Variants in GRM7 observed in about 807,000 individuals in gnomAD.
GRM7 encodes glutamate metabotropic receptor 7, also known as metabotropic glutamate receptor 7.
A neutral mutation model predicts 84.5 loss-of-function variants in GRM7; 35 were observed. That is an observed-to-expected ratio of 0.41 (90% CI 0.32 to 0.55). GRM7 has a LOEUF of 0.55. GRM7 is among the 20% of genes least tolerant of loss of function. GRM7 has a pLI of 0.19. For synonymous variants in GRM7, 487 were observed against 455.1 expected, an observed-to-expected ratio of 1.07 and a Z score of -0.89; for missense variants, 1,003 against 1,194.6, an observed-to-expected ratio of 0.84 and a Z score of 2.36.
chr3:7,086,222 C>T (rs755352644), intron 1 of GRM7, among the ~76,000 whole-genome samples: 3 of 151,944 alleles, frequency 2.0e-5, no homozygotes, highest in Admixed American at 6.6e-5. Flanking sequence ...AAGTTGCTTG[C>T]GTTTTGAATT....
chr3:7,729,956 C>T (rs1302087107), intron 9 of GRM7, among the ~76,000 whole-genome samples: 2 of 134,888 alleles, frequency 1.5e-5, no homozygotes, highest in Admixed American at 8.7e-5. Context: ...CTCACTGAAA[C>T]CTCCACCTCC....
chr3:6,894,406 A>G (rs1442959270), intron 1 of GRM7, among the ~76,000 whole-genome samples: 2 of 152,166 alleles, frequency 1.3e-5, no homozygotes, highest in East Asian at 1.9e-4. Flanking sequence ...CTAATGAAAC[A>G]TGATTCTTTA....
chr3:7,527,484 G>A (rs538613009), intron 7 of GRM7, among the ~76,000 whole-genome samples: 2 of 152,018 alleles, frequency 1.3e-5, no homozygotes, highest in African/African-American at 4.8e-5. Context: ...GAAATGATTT[G>A]CTTTCCTCTT....
chr3:7,492,597 A>G (rs1048111834), intron 7 of GRM7, among the ~76,000 whole-genome samples: 2 of 152,138 alleles, frequency 1.3e-5, no homozygotes, highest in Non-Finnish European at 2.9e-5. Flanking sequence ...TGTCTTTTCT[A>G]TATGAGTTTT....
chr3:7,661,501 A>T (rs901821701), intron 8 of GRM7, among the ~76,000 whole-genome samples: 2 of 152,186 alleles, frequency 1.3e-5, no homozygotes, highest in African/African-American at 4.8e-5. Flanking sequence ...GCTGATAAGA[A>T]TATAAAATGC....
intron 5 of GRM7, among the ~76,000 whole-genome samples, chr3:7,438,374 C>A (rs151048231): frequency 6.6e-6 from 1 of 151,958 alleles, no homozygotes; most frequent in East Asian, 2.0e-4. Flanking sequence ...GAAATGAGAG[C>A]AATCATGACA....
At chr3:7,574,729 A>G (rs955793473) in intron 7 of GRM7, among the ~76,000 whole-genome samples, 1 of 152,210 alleles carries the variant, frequency 6.6e-6, no homozygotes, top group Non-Finnish European at 1.5e-5. Context: ...TAAGAACCTC[A>G]GATCAGGACA....
Position 7,539,270 on chromosome 3 carries a change from T to TA in GRM7, c.1516-39146dup, listed in dbSNP as rs973038442. Among the ~76,000 whole-genome samples the TA allele has an allele frequency of 3.9e-4, 59 of 152,284 alleles. 1 individual carries two copies. Among genetic ancestry groups the TA allele is most frequent in the Admixed American group, 2.5e-3 (39 of 15,306 alleles). ...CTCTGGCAAGGCTTTATGAGTTTCT[T>TA]AAAAAATGTCACGAGAACAGCGTGC... On this transcript the variant is annotated intron_variant, in intron 7 of 9. Coordinates refer to ENST00000357716, the MANE Select transcript of GRM7 (RefSeq NM_000844.4).
chr3:7,616,221 C>T (rs1697073427), intron 8 of GRM7, among the ~76,000 whole-genome samples: 1 of 152,120 alleles, frequency 6.6e-6, no homozygotes, highest in African/African-American at 2.4e-5. Flanking sequence ...TCATTTCGCA[C>T]ATATTTTTGA....
chr3:7,607,203 C>G (rs146102938), intron 8 of GRM7: 85 of 152,202 alleles, frequency 5.6e-4, no homozygotes, highest in African/African-American at 2.0e-3. Context: ...ATCCTATTAC[C>G]GAGATGTTAT....
intron 2 of GRM7, among the ~76,000 whole-genome samples, chr3:7,147,208 T>A (rs1219875353): frequency 6.6e-6 from 1 of 152,218 alleles, no homozygotes; most frequent in Non-Finnish European, 1.5e-5. Context: ...AGAGTTCTCT[T>A]CAGCAGCCCT....
At chr3:7,146,390 T>C in intron 1 of GRM7, 62 bp from the exon 2 acceptor site, 1 of 1,232,426 alleles carries the variant, frequency 8.1e-7, no homozygotes, top group South Asian at 1.2e-5. Flanking sequence ...CTGTCATAAG[T>C]ATAAATGAGT....
chr3:7,487,731 C>T (rs1699374555), intron 7 of GRM7, among the ~76,000 whole-genome samples: 1 of 152,214 alleles, frequency 6.6e-6, no homozygotes, highest in Non-Finnish European at 1.5e-5. Context: ...ATCCGGAAGA[C>T]TGGGGGCCCA....
At chr3:7,086,139 G>A (rs763647840) in intron 1 of GRM7, among the ~76,000 whole-genome samples, 1 of 152,184 alleles carries the variant, frequency 6.6e-6, no homozygotes, top group South Asian at 2.1e-4. Context: ...AGGCACATTA[G>A]CATCACTGGA....
chr3:6,876,759 G>A lies in GRM7; in HGVS notation c.519+14852G>A, dbSNP rs141271756. Reference sequence around the variant, plus strand: ...TGGGATTATAGGCACCCGTCACCACGCCCAGCTAATTTTTGTATTTTTAAT... The same window carrying A: ...TGGGATTATAGGCACCCGTCACCACACCCAGCTAATTTTTGTATTTTTAAT... On this transcript the variant is annotated intron_variant, in intron 1 of 9. Coordinates refer to ENST00000357716, the MANE Select transcript of GRM7 (RefSeq NM_000844.4). Among the ~76,000 whole-genome samples, 245 of 151,914 alleles carry A rather than the reference G, an allele frequency of 1.6e-3. 1 individual carries two copies. In the East Asian group the frequency reaches 0.028, roughly 17 times the overall value.
At chr3:7,089,589 A>G (rs1336282617) in intron 1 of GRM7, among the ~76,000 whole-genome samples, 1 of 152,220 alleles carries the variant, frequency 6.6e-6, no homozygotes, top group African/African-American at 2.4e-5. Flanking sequence ...ACTAAGCACC[A>G]TGACAGTTAA....
At position 7,450,149 on chromosome 3, in the gene GRM7, A is replaced by C. The variant is rs566912290; in HGVS notation, c.1175-2458A>C. Among the ~76,000 whole-genome samples the C allele has an allele frequency of 3.3e-5, 5 of 152,278 alleles. No homozygotes were observed. The South Asian group carries it at 8.3e-4, about 25-fold the overall frequency. ...GGCTTATTTATGAACAGTTTACAAA[A>C]AAAGAAACAAGTTTCATCTTTCCAC... is the stretch of plus-strand genomic sequence containing the variant. On this transcript the variant is annotated intron_variant, in intron 5 of 9. Coordinates refer to ENST00000357716, the MANE Select transcript of GRM7 (RefSeq NM_000844.4).
At chr3:7,671,154 T>G (rs1263825385) in intron 8 of GRM7, among the ~76,000 whole-genome samples, 1 of 152,116 alleles carries the variant, frequency 6.6e-6, no homozygotes, top group Non-Finnish European at 1.5e-5. Flanking sequence ...GTCAGAGAGC[T>G]GCTAGGGAAG....
At chr3:7,413,005 C>T (rs1176055477) in intron 4 of GRM7, among the ~76,000 whole-genome samples, 1 of 152,104 alleles carries the variant, frequency 6.6e-6, no homozygotes, top group East Asian at 1.9e-4. Context: ...CACACACACA[C>T]ACATAATTAT....
Sources: gnomAD v4.1 joint callset for allele counts (sites outside exome capture counted in the v4.1 genomes callset) on GRCh38, gnomAD v4.1.1 for gene constraint, MANE v1.5 for transcripts, NCBI Gene and HGNC (gene_info 2026-07-23, HGNC 2026-07-21) for gene names.